The following FAM234A variants were observed in gnomAD, a reference collection of about 807,000 sequenced individuals.
FAM234A encodes the protein protein FAM234A.
A neutral mutation model predicts 49.1 loss-of-function variants in FAM234A; 42 were observed. The observed-to-expected ratio is 0.86, with a 90% CI of 0.67 to 1.11. The LOEUF (loss-of-function observed/expected upper bound fraction) is 1.11, where lower values mean the gene tolerates loss of function less well. Among genes scored for constraint, FAM234A ranks in the 50% least tolerant of loss-of-function variants. The pLI is 0.00. For synonymous variants in FAM234A, 369 were observed against 316.2 expected (o/e 1.17, Z -1.77); for missense variants, 815 against 745.2 (o/e 1.09, Z -1.09).
At chr16:261,569 C>G in intron 6 of FAM234A, 55 bp downstream of exon 6, 1 of 1,521,244 alleles carries the variant, frequency 6.6e-7, no homozygotes, top group Non-Finnish European at 8.8e-7. Context: ...CCACACGGCC[C>G]TGCTCTACCT....
At chr16:240,125 G>A (rs757696859) in intron 1 of FAM234A, 1 of 152,092 alleles carries the variant, frequency 6.6e-6, no homozygotes, top group Non-Finnish European at 1.5e-5. Context: ...GCGTGTTCTT[G>A]GTGGTGACAC....
intron 1 of FAM234A, among the ~76,000 whole-genome samples, chr16:241,082 G>T (rs746898963): frequency 6.6e-6 from 1 of 151,878 alleles, no homozygotes; most frequent in Non-Finnish European, 1.5e-5. Context: ...ACCATACCCG[G>T]CTAGTTTTTG....
intron 9 of FAM234A, 121 bp from the exon 10 acceptor site, chr16:263,579 C>T: frequency 1.6e-6 from 2 of 1,263,478 alleles, no homozygotes; most frequent in Non-Finnish European, 2.3e-6. Flanking sequence ...GGCTCCGTGT[C>T]CTGGGCCCTG....
In FAM234A at chr16:261,615, T is replaced by C. The variant is rs111440471; in HGVS notation, c.708+101T>C. On this transcript the variant is annotated intron_variant, in intron 6 of 12. Transcript: ENST00000399932. ...TGCCACTTCCCAGACAGGATTCGGG[T>C]CTGACCACTTGCCGGGGACTCGCCC... is the stretch of plus-strand genomic sequence containing the variant. 4.0e-3 allele frequency: 5,626 copies of C among 1,403,270 alleles called. 25 individuals carry two copies. Among genetic ancestry groups the C allele is most frequent in the African/African-American group, 0.012 (845 of 70,476 alleles). 86.9% of individuals were successfully genotyped at this position (1,403,270 alleles called of 1,614,324 possible).
At chr16:239,248 T>C (rs1285609623) in intron 1 of FAM234A, among the ~76,000 whole-genome samples, 2 of 132,136 alleles carry the variant, frequency 1.5e-5, no homozygotes, top group African/African-American at 2.9e-5. Context: ...TGCAGTGAGC[T>C]GAGATTGCAC....
downstream of FAM234A, among the ~76,000 whole-genome samples, chr16:266,311 C>T (rs2051691399): frequency 6.6e-6 from 1 of 152,206 alleles, no homozygotes; most frequent in African/African-American, 2.4e-5. Context: ...CTGGGGGTCT[C>T]CGGTTTGAGG....
intron 1 of FAM234A, among the ~76,000 whole-genome samples, chr16:243,344 G>A (rs1296173224): frequency 2.0e-5 from 3 of 152,044 alleles, no homozygotes; most frequent in African/African-American, 7.2e-5. Context: ...ATAGCCACAT[G>A]GCCTGACTCT....
In FAM234A at chr16:254,462, G is replaced by A. The variant is rs748841792; in HGVS notation, c.49G>A (p.Glu17Lys). 8.7e-6 allele frequency: 14 copies of A among 1,614,094 alleles called. 1 individual carries two copies. Among genetic ancestry groups the A allele is most frequent in the Admixed American group, 1.7e-5 (1 of 60,000 alleles). The change falls in exon 3 of 13, where the codon GAA (glutamate) becomes AAA (lysine). Residue 17 changes from glutamate (E) to lysine (K), a missense_variant. Transcript: ENST00000399932. The part of the protein sequence containing the change: ...LEAEIHPLKN[E>K]ERKSQENLGN... ...GGCCGAAATCCACCCCTTGAAAAAT[G>A]AAGAAAGAAAATCGCAGGAAAATCT...
rs201361448 is a variant in FAM234A, at chr16:264,836, C to T, written c.1473C>T (p.His491=). The T allele has an allele frequency of 6.8e-6, 11 of 1,611,164 alleles. No individual in the cohort carries two copies. The highest frequency in any genetic ancestry group is 3.3e-5 in the South Asian group (3 of 91,044). ...FDAVLFEPSR[H]AAYILLTGPA... is the part of the protein sequence containing the mutation. ...CCGTCCTGTTTGAGCCAAGCCGCCA[C>T]GCCGCCTACATCCTTCTGACAGGCC... Residue 491 remains histidine (H), a synonymous_variant, in exon 13 of 13, where the codon CAC becomes CAT. Transcript: ENST00000399932.
intron 2 of FAM234A, among the ~76,000 whole-genome samples, chr16:250,060 C>T (rs896321589): frequency 3.3e-5 from 5 of 152,174 alleles, no homozygotes; most frequent in African/African-American, 4.8e-5. Context: ...GTTCTCCTGC[C>T]GCAGCCTCCT....
chr16:240,537 T>A (rs952752556), intron 1 of FAM234A, among the ~76,000 whole-genome samples: 3 of 151,760 alleles, frequency 2.0e-5, no homozygotes, highest in Non-Finnish European at 4.4e-5. Context: ...AGTCTTGCTC[T>A]TGTTGCCAAG....
intron 1 of FAM234A, among the ~76,000 whole-genome samples, chr16:244,256 C>T (rs368934425): frequency 1.1e-4 from 17 of 152,330 alleles, no homozygotes; most frequent in Admixed American, 2.0e-4. Flanking sequence ...GCGTGAGCCA[C>T]CGCGCCCGGT....
chr16:235,988 A>G (rs952139472), intron 1 of FAM234A, among the ~76,000 whole-genome samples: 4 of 151,776 alleles, frequency 2.6e-5, no homozygotes, highest in African/African-American at 9.7e-5. Flanking sequence ...TCCCGTCTCT[A>G]CTAAAAATAA....
downstream of FAM234A, chr16:269,382 C>T (rs374550808): frequency 2.8e-5 from 45 of 1,599,358 alleles, 1 homozygote; most frequent in Middle Eastern, 3.3e-4. Context: ...AACGGGAACA[C>T]GCTGTGGGCG....
chr16:265,003 G>A lies in FAM234A; in HGVS notation c.1640G>A (p.Arg547Gln), dbSNP rs766725272. ...ATCAGGGACCGGTTCTCCCGGCTGCGGTACCAGAGTGAGGCGTAGAGGCAC... is the reference window on the plus strand; with the variant it reads ...ATCAGGGACCGGTTCTCCCGGCTGCAGTACCAGAGTGAGGCGTAGAGGCAC... ...QAIRDRFSRL[R>Q]YQSEA Residue 547 changes from arginine (R) to glutamine (Q), a missense_variant, in exon 13 of 13, where the codon CGG (arginine) becomes CAG (glutamine). Arg to Gln is a conservative substitution (Grantham distance 43, BLOSUM62 1). Transcript: ENST00000399932. The A allele has an allele frequency of 2.9e-5, 47 of 1,608,564 alleles. No individual in the cohort carries two copies. The highest frequency in any genetic ancestry group is 1.5e-4 in the South Asian group (14 of 90,808).
At chr16:237,572 T>A (rs2050447726) in intron 1 of FAM234A, among the ~76,000 whole-genome samples, 1 of 152,164 alleles carries the variant, frequency 6.6e-6, no homozygotes, top group Non-Finnish European at 1.5e-5. Flanking sequence ...CCCTCTTGGC[T>A]GGTGGCAGGA....
intron 7 of FAM234A, 99 bp from the exon 8 acceptor site, chr16:262,325 A>G (rs934998738): frequency 6.4e-7 from 1 of 1,568,116 alleles, no homozygotes; most frequent in African/African-American, 1.4e-5. Context: ...TGCTGGAGTC[A>G]GGAAGCCCAG....
Position 254,542 on chromosome 16 carries a change from G to T in FAM234A, c.129G>T (p.Arg43=). The T allele has an allele frequency of 6.2e-7, 1 of 1,614,226 alleles. No individual in the cohort carries two copies. ...TGAAAAGCGCGCCTCCACAGTCCCGGCTCTCCCGGTGCCGAGCGGCGGCGT... is the reference window on the plus strand; with the variant it reads ...TGAAAAGCGCGCCTCCACAGTCCCGTCTCTCCCGGTGCCGAGCGGCGGCGT... The part of the protein sequence containing the change: ...DNVKSAPPQS[R]LSRCRAAAFF... The change falls in exon 3 of 13, where the codon CGG becomes CGT. Residue 43 remains arginine, a synonymous_variant. Coordinates refer to ENST00000399932, the MANE Select transcript of FAM234A (RefSeq NM_032039.4).
At chr16:241,917 A>G (rs1259867308) in intron 1 of FAM234A, among the ~76,000 whole-genome samples, 1 of 152,092 alleles carries the variant, frequency 6.6e-6, no homozygotes, top group Non-Finnish European at 1.5e-5. Context: ...AAAAAAAAAA[A>G]AAAAAAGGCA....
Sources: gnomAD v4.1 joint callset for allele counts (sites outside exome capture counted in the v4.1 genomes callset) on GRCh38, gnomAD v4.1.1 for gene constraint, MANE v1.5 for transcripts, NCBI Gene and HGNC (gene_info 2026-07-23, HGNC 2026-07-21) for gene names.